The following UBE2E2 variants were observed in gnomAD, a reference collection of about 807,000 sequenced individuals.
UBE2E2 encodes ubiquitin conjugating enzyme E2 E2, also known as ubiquitin-conjugating enzyme E2 E2.
UBE2E2 carries 6 observed loss-of-function variants against 24.7 expected under a neutral mutation model. The observed-to-expected ratio is 0.24, with a 90% CI of 0.13 to 0.48. The LOEUF (loss-of-function observed/expected upper bound fraction) is 0.48. Ranked by LOEUF, UBE2E2 falls within the 20% of genes least tolerant of loss-of-function variation. The pLI is 0.99. For synonymous variants in UBE2E2, 104 were observed against 83.6 expected (o/e 1.24, Z -1.33); for missense variants, 169 against 245.0 (o/e 0.69, Z 2.07).
intron 3 of UBE2E2, among the ~76,000 whole-genome samples, chr3:23,418,704 C>T (rs1212666653): frequency 6.6e-6 from 1 of 152,112 alleles, no homozygotes; most frequent in Non-Finnish European, 1.5e-5. Flanking sequence ...TGTTAAAAAT[C>T]ACTGTTATGA....
intron 3 of UBE2E2, among the ~76,000 whole-genome samples, chr3:23,404,748 G>A (rs889509959): frequency 6.6e-6 from 1 of 152,230 alleles, no homozygotes; most frequent in East Asian, 1.9e-4. Context: ...ATCGCTAACT[G>A]TAGCGTTTAA....
intron 3 of UBE2E2, among the ~76,000 whole-genome samples, chr3:23,420,080 A>G (rs75282582): frequency 0.1 from 15,652 of 152,286 alleles, 935 homozygotes; most frequent in East Asian, 0.13. Context: ...AGAGTCTATC[A>G]TGAAAAATTT....
chr3:23,320,985 C>A (rs146344238), intron 3 of UBE2E2, among the ~76,000 whole-genome samples: 1 of 152,334 alleles, frequency 6.6e-6, no homozygotes, highest in African/African-American at 2.4e-5. Flanking sequence ...TCTGCAGGGC[C>A]ATTCTCCTTC....
At chr3:23,323,591 G>A (rs913658254) in intron 3 of UBE2E2, 9 of 436,298 alleles carry the variant, frequency 2.1e-5, no homozygotes, top group Non-Finnish European at 3.7e-5. Flanking sequence ...CACTAGGTAG[G>A]TATAATGCAC....
At chr3:23,516,282 TCAAA>T (rs1330156210) in intron 4 of UBE2E2, among the ~76,000 whole-genome samples, 1 of 151,970 alleles carries the variant, frequency 6.6e-6, no homozygotes, top group Non-Finnish European at 1.5e-5. Flanking sequence ...ATAAAAATAT[TCAAA>T]GCACCTTCTT....
chr3:23,353,462 G>A (rs189373341), intron 3 of UBE2E2, among the ~76,000 whole-genome samples: 2 of 152,196 alleles, frequency 1.3e-5, no homozygotes, highest in Non-Finnish European at 2.9e-5. Flanking sequence ...GTTTGCAGAT[G>A]ACATGATAGT....
At chr3:23,370,845 A>G (rs1696382326) in intron 3 of UBE2E2, among the ~76,000 whole-genome samples, 1 of 152,192 alleles carries the variant, frequency 6.6e-6, no homozygotes, top group Non-Finnish European at 1.5e-5. Context: ...AACAAATGGA[A>G]GGTAGACTTG....
At position 23,510,604 on chromosome 3, in the gene UBE2E2, CA is replaced by C. The variant is rs530094447; in HGVS notation, c.360+10875del. ...CCTGGGTGACAGAGCAAGACTGGGT[CA>C]AAAAAAAAAATAAGATAAAATAAAA... On this transcript the variant is annotated intron_variant, in intron 4 of 5. Transcript: ENST00000396703. 2.4e-3 allele frequency among the ~76,000 whole-genome samples: 333 copies of C among 140,014 alleles called. 1 individual carries two copies. Among genetic ancestry groups the C allele is most frequent in the Admixed American group, 4.9e-3 (68 of 13,944 alleles). 91.9% of individuals were successfully genotyped at this position (140,014 alleles called of 152,430 possible).
chr3:23,538,653 T>C (rs1695319986), intron 5 of UBE2E2, among the ~76,000 whole-genome samples: 1 of 152,090 alleles, frequency 6.6e-6, no homozygotes, highest in South Asian at 2.1e-4. Flanking sequence ...ATGTTGAGGT[T>C]CTAGAAAAAT....
intron 3 of UBE2E2, among the ~76,000 whole-genome samples, chr3:23,388,619 T>C (rs948831421): frequency 1.3e-5 from 2 of 152,220 alleles, no homozygotes; most frequent in Non-Finnish European, 1.5e-5. Context: ...CAGATTATTT[T>C]ATGCATTAGA....
intron 4 of UBE2E2, among the ~76,000 whole-genome samples, chr3:23,521,566 G>C (rs1320988537): frequency 6.6e-6 from 1 of 152,212 alleles, no homozygotes; most frequent in Non-Finnish European, 1.5e-5. Context: ...TGGTTGTTAA[G>C]TTTGTTATTC....
intron 3 of UBE2E2, among the ~76,000 whole-genome samples, chr3:23,260,492 T>C (rs1697865851): frequency 1.3e-5 from 2 of 152,312 alleles, no homozygotes; most frequent in Admixed American, 6.5e-5. Context: ...TCATGTGATA[T>C]TGTCCCTATA....
At chr3:23,295,142 T>G (rs1216060275) in intron 3 of UBE2E2, among the ~76,000 whole-genome samples, 1 of 152,192 alleles carries the variant, frequency 6.6e-6, no homozygotes, top group Admixed American at 6.5e-5. Flanking sequence ...ATGGATAGTA[T>G]AGATCAGCTG....
At chr3:23,443,049 T>C (rs1425561159) in intron 3 of UBE2E2, among the ~76,000 whole-genome samples, 1 of 152,220 alleles carries the variant, frequency 6.6e-6, no homozygotes, top group East Asian at 1.9e-4. Context: ...AGTTTTCTAC[T>C]CACCTCTCTG....
At chr3:23,452,425 A>G (rs181426941) in intron 3 of UBE2E2, among the ~76,000 whole-genome samples, 10 of 152,304 alleles carry the variant, frequency 6.6e-5, no homozygotes, top group Admixed American at 3.3e-4. Context: ...TGAATTTGGA[A>G]CATGGTGTTT....
intron 4 of UBE2E2, among the ~76,000 whole-genome samples, chr3:23,527,145 A>T (rs1035333931): frequency 2.6e-5 from 4 of 152,208 alleles, no homozygotes; most frequent in Admixed American, 2.6e-4. Context: ...AAATGGCTAT[A>T]ATGAAACATA....
At chr3:23,566,573 T>G (rs1314527542) in intron 5 of UBE2E2, among the ~76,000 whole-genome samples, 2 of 152,190 alleles carry the variant, frequency 1.3e-5, no homozygotes, top group Non-Finnish European at 2.9e-5. Context: ...CATCTGCTTC[T>G]GGAAGGGCCT....
At chr3:23,285,101 C>T (rs1698586567) in intron 3 of UBE2E2, among the ~76,000 whole-genome samples, 1 of 152,000 alleles carries the variant, frequency 6.6e-6, no homozygotes, top group Non-Finnish European at 1.5e-5. Context: ...TAATTTTTAG[C>T]TCCTACAAAT....
At chr3:23,244,668 A>G (rs1306200278) in intron 3 of UBE2E2, among the ~76,000 whole-genome samples, 1 of 152,170 alleles carries the variant, frequency 6.6e-6, no homozygotes, top group Non-Finnish European at 1.5e-5. Flanking sequence ...TTGTAAGCAC[A>G]TGCTTACATT....
Sources: gnomAD v4.1 joint callset for allele counts (sites outside exome capture counted in the v4.1 genomes callset) on GRCh38, gnomAD v4.1.1 for gene constraint, MANE v1.5 for transcripts, NCBI Gene and HGNC (gene_info 2026-07-23, HGNC 2026-07-21) for gene names.